NEURL1: variants seen among roughly 807,000 people sequenced by gnomAD.
The protein encoded by NEURL1 is neuralized E3 ubiquitin protein ligase 1, also known as E3 ubiquitin-protein ligase NEURL1.
NEURL1 carries 26 observed loss-of-function variants against 41.2 expected under a neutral mutation model. The observed-to-expected ratio is 0.63, with a 90% CI of 0.46 to 0.87. The LOEUF is 0.87. NEURL1 is among the 40% of genes least tolerant of loss of function. NEURL1 has a pLI of 0.00. For synonymous variants in NEURL1, 400 were observed against 402.3 expected, an observed-to-expected ratio of 0.99 and a Z score of 0.07; for missense variants, 761 against 871.1, an observed-to-expected ratio of 0.87 and a Z score of 1.59.
intron 1 of NEURL1, among the ~76,000 whole-genome samples, chr10:103,519,775 TG>T (rs1448915961): frequency 7.9e-5 from 12 of 151,462 alleles, no homozygotes; most frequent in South Asian, 2.1e-4. Context: ...AGTTTTTTGT[TG>T]TTGTTGTTGT....
At chr10:103,554,104 T>C (rs2035092651) in intron 1 of NEURL1, among the ~76,000 whole-genome samples, 2 of 152,254 alleles carry the variant, frequency 1.3e-5, no homozygotes, top group Admixed American at 1.3e-4. Flanking sequence ...GCATGCTCAT[T>C]GCATGGCAGC....
At chr10:103,516,814 A>T (rs896760075) in intron 1 of NEURL1, among the ~76,000 whole-genome samples, 2 of 152,184 alleles carry the variant, frequency 1.3e-5, no homozygotes, top group Admixed American at 6.5e-5. Context: ...AAAAACCTGG[A>T]GGACTTACAC....
chr10:103,578,687 T>C (rs544854525), intron 3 of NEURL1, among the ~76,000 whole-genome samples: 1 of 152,348 alleles, frequency 6.6e-6, no homozygotes, highest in East Asian at 1.9e-4. Context: ...TGAGTGATTT[T>C]AGGATGTTCT....
At chr10:103,564,112 G>A (rs1409954009) in intron 1 of NEURL1, among the ~76,000 whole-genome samples, 2 of 152,196 alleles carry the variant, frequency 1.3e-5, no homozygotes, top group Admixed American at 1.3e-4. Context: ...AGGTCACTCC[G>A]GAGGGTATGT....
At position 103,571,729 on chromosome 10, in the gene NEURL1, G is replaced by A; in HGVS notation, c.556G>A (p.Ala186Thr). Residue 186 changes from alanine (A) to threonine (T), a missense_variant, in exon 3 of 6, where the codon GCT (alanine) becomes ACT (threonine). By Grantham distance (58) the Ala-to-Thr change is moderately conservative. Around this residue, in one of 5 missense-constraint regions of NEURL1, gnomAD observed 114 missense variants for 144.8 expected, o/e 0.79. Transcript: ENST00000369780. ...TGTCTTCCACCGCATCAACGACTCG[G>A]CTGTTATGCTGTTCTTCAGCGGGGT... ...GRVFHRINDSAVMLFFSGVRT... is the reference protein window; with the variant it reads ...GRVFHRINDSTVMLFFSGVRT... 8 of 1,614,202 alleles carry A rather than the reference G, an allele frequency of 5.0e-6. No individual in the cohort carries two copies. The highest frequency in any genetic ancestry group is 6.8e-6 in the Non-Finnish European group (8 of 1,180,004).
In NEURL1 at chr10:103,537,658, T is replaced by G. The variant is rs962176109; in HGVS notation, c.86-33214T>G. Among the ~76,000 whole-genome samples, 10 of 152,278 alleles carry G rather than the reference T, an allele frequency of 6.6e-5. No individual in the cohort carries two copies. The South Asian group carries it at 2.1e-3, about 32-fold the overall frequency. Reference sequence around the variant, plus strand: ...ATCCGCCCACCTCAGCCTCCCAAAGTGCTGGGATTACAGGCGTGAGCCACC... The same window carrying G: ...ATCCGCCCACCTCAGCCTCCCAAAGGGCTGGGATTACAGGCGTGAGCCACC... On this transcript the variant is annotated intron_variant, in intron 1 of 5. Transcript: ENST00000369780.
At chr10:103,530,586 G>T (rs1347844878) in intron 1 of NEURL1, among the ~76,000 whole-genome samples, 1 of 151,418 alleles carries the variant, frequency 6.6e-6, no homozygotes, top group Non-Finnish European at 1.5e-5. Flanking sequence ...TGTCACCCAG[G>T]CTGGAGTGCA....
At chr10:103,585,929 G>A (rs1044986225) in intron 4 of NEURL1, among the ~76,000 whole-genome samples, 9 of 152,120 alleles carry the variant, frequency 5.9e-5, no homozygotes, top group African/African-American at 2.2e-4. Context: ...CACCTTTAAG[G>A]AAGTTTGTGA....
intron 1 of NEURL1, among the ~76,000 whole-genome samples, chr10:103,523,909 C>T (rs555940709): frequency 2.0e-5 from 3 of 152,224 alleles, no homozygotes; most frequent in South Asian, 2.1e-4. Flanking sequence ...TAAACATGGG[C>T]GTGCAGCTCT....
At chr10:103,536,088 G>T (rs1376112637) in intron 1 of NEURL1, among the ~76,000 whole-genome samples, 1 of 152,140 alleles carries the variant, frequency 6.6e-6, no homozygotes, top group Non-Finnish European at 1.5e-5. Context: ...GTTGATGGGG[G>T]TTGCTTGCAC....
intron 1 of NEURL1, among the ~76,000 whole-genome samples, chr10:103,507,565 C>T (rs2033975888): frequency 6.6e-6 from 1 of 152,174 alleles, no homozygotes. Context: ...ATCCTGACAT[C>T]TGTGGCAGTG....
At chr10:103,519,735 A>G (rs2034301955) in intron 1 of NEURL1, among the ~76,000 whole-genome samples, 1 of 150,088 alleles carries the variant, frequency 6.7e-6, no homozygotes, top group Non-Finnish European at 1.5e-5. Flanking sequence ...TTTTGTCACC[A>G]TTTTAAACTC....
Position 103,566,872 on chromosome 10 carries a change from C to T in NEURL1, c.86-4000C>T, listed in dbSNP as rs2035434878. Among the ~76,000 whole-genome samples the T allele has an allele frequency of 6.6e-6, 1 of 152,078 alleles. No individual in the cohort carries two copies. Among genetic ancestry groups the T allele is most frequent in the African/African-American group, 2.4e-5 (1 of 41,402 alleles). On this transcript the variant is annotated intron_variant, in intron 1 of 5. Transcript: ENST00000369780. This position sits in a 1 kb window ranked among gnomAD's most constrained non-coding sequence, Gnocchi z 4.2. ...TCTGTGTTTTGGTGGCATACATATACATATATGTATCATAGAGACAACATA... is the reference window on the plus strand; with the variant it reads ...TCTGTGTTTTGGTGGCATACATATATATATATGTATCATAGAGACAACATA...
intron 1 of NEURL1, among the ~76,000 whole-genome samples, chr10:103,564,848 C>A (rs765436886): frequency 2.0e-5 from 3 of 152,096 alleles, no homozygotes; most frequent in Non-Finnish European, 2.9e-5. Flanking sequence ...CTGCTTGCCA[C>A]CCCACTCCCT....
chr10:103,563,126 T>G (rs1352771833), intron 1 of NEURL1, among the ~76,000 whole-genome samples: 1 of 152,212 alleles, frequency 6.6e-6, no homozygotes, highest in Non-Finnish European at 1.5e-5. Context: ...AAAATAAGAC[T>G]GAAGTTCCTA....
chr10:103,544,215 T>C (rs1385561745), intron 1 of NEURL1, among the ~76,000 whole-genome samples: 1 of 152,096 alleles, frequency 6.6e-6, no homozygotes, highest in African/African-American at 2.4e-5. Context: ...GGATGGGGAA[T>C]CTGGGCTGAC....
At chr10:103,546,503 G>T (rs948836690) in intron 1 of NEURL1, among the ~76,000 whole-genome samples, 1 of 152,162 alleles carries the variant, frequency 6.6e-6, no homozygotes, top group African/African-American at 2.4e-5. Context: ...GAGAGGCCAC[G>T]TGGCAGAGGG....
intron 1 of NEURL1, chr10:103,511,912 A>G (rs2034080798): frequency 6.6e-6 from 1 of 152,188 alleles, no homozygotes; most frequent in Non-Finnish European, 1.5e-5. Flanking sequence ...GGGAATTCAA[A>G]CTTTTCTTCT....
intron 1 of NEURL1, among the ~76,000 whole-genome samples, chr10:103,498,821 T>TA (rs1349832063): frequency 6.6e-6 from 1 of 152,236 alleles, no homozygotes; most frequent in Non-Finnish European, 1.5e-5. Context: ...AAGCGTCTTT[T>TA]ACTTAGCATA....
Sources: allele counts gnomAD v4.1 joint callset (sites outside exome capture counted in the v4.1 genomes callset), GRCh38; gene constraint gnomAD v4.1.1; regional missense constraint gnomAD v4.1.1; non-coding constraint Gnocchi (gnomAD v3.1); transcripts MANE v1.5; gene names NCBI Gene and HGNC (gene_info 2026-07-23, HGNC 2026-07-21).